VARS1: variants seen among roughly 807,000 people sequenced by gnomAD.
VARS1 encodes the protein valine--tRNA ligase.
VARS1 carries 92 observed loss-of-function variants against 161.0 expected under a neutral mutation model. That is an observed-to-expected ratio of 0.57 (90% CI 0.48 to 0.68). The LOEUF is 0.68. VARS1 is among the 30% of genes least tolerant of loss of function. VARS1 has a pLI of 0.00. For missense variants in VARS1, 1,338 were observed against 1,695.9 expected, an observed-to-expected ratio of 0.79 and a Z score of 3.71; for synonymous variants, 595 against 682.5, an observed-to-expected ratio of 0.87 and a Z score of 2.00.
At chr6:31,786,121 G>A (rs779465026) in intron 8 of VARS1, among the ~76,000 whole-genome samples, 4 of 152,266 alleles carry the variant, frequency 2.6e-5, no homozygotes, top group African/African-American at 4.8e-5. Context: ...TTAGCTGGGC[G>A]TGGTGGCATG....
chr6:31,779,193 G>T lies in VARS1; in HGVS notation c.3500C>A (p.Ala1167Asp). The T allele has an allele frequency of 6.2e-7, 1 of 1,606,836 alleles. No individual in the cohort carries two copies. The highest frequency in any genetic ancestry group is 8.5e-7 in the Non-Finnish European group (1 of 1,178,148). The change falls in exon 29 of 30, where the codon GCC (alanine) becomes GAC (aspartate). Residue 1167 changes from alanine (A) to aspartate (D), a missense_variant. Physicochemically the swap from Ala to Asp is moderately radical, Grantham distance 126. Coordinates refer to ENST00000375663, the MANE Select transcript of VARS1 (RefSeq NM_006295.3). The surrounding 1 kb of genome is among the most constrained non-coding windows in gnomAD (Gnocchi z 9.1). ...ACCCTGGGGGGCGGGAGCCCCCAGG[G>T]CCAGAACAGCCACCACACCTGCGCT... The part of the protein sequence containing the change: ...LASAGVVAVL[A>D]LGAPAPQGCA...
Position 31,782,251 on chromosome 6 carries a change from G to A in VARS1, c.2150+34C>T, listed in dbSNP as rs755959814. The A allele has an allele frequency of 1.2e-5, 19 of 1,610,016 alleles. No homozygotes were observed. The highest frequency in any genetic ancestry group is 1.6e-5 in the Non-Finnish European group (19 of 1,177,806). On this transcript the variant is annotated intron_variant, in intron 17 of 29. Coordinates refer to ENST00000375663, the MANE Select transcript of VARS1 (RefSeq NM_006295.3). This position sits in a 1 kb window ranked among gnomAD's most constrained non-coding sequence, Gnocchi z 8.3. ...CCCGAGTGAGCCCTGCTCAGCCCTC[G>A]GCAAGCCCCTCCCACACTGAGGACC... is the stretch of plus-strand genomic sequence containing the variant.
Position 31,781,208 on chromosome 6 carries a change from C to A in VARS1, c.2545-85G>T. 6.8e-7 allele frequency: 1 copy of A among 1,478,158 alleles called. No homozygotes were observed. Among genetic ancestry groups the A allele is most frequent in the Non-Finnish European group, 9.3e-7 (1 of 1,073,940 alleles). The allele number at this position is 1,478,158 out of a possible 1,614,324, so 91.6% of individuals were successfully genotyped here. On this transcript the variant is annotated intron_variant, in intron 21 of 29. Transcript: ENST00000375663. The surrounding 1 kb of genome is among the most constrained non-coding windows in gnomAD (Gnocchi z 6.8). Reference sequence around the variant, plus strand: ...CCCGACCAGGACTGTGTCTGGTCTACCCCACTGTGAACCTCAGGTCCCACT... The same window carrying A: ...CCCGACCAGGACTGTGTCTGGTCTAACCCACTGTGAACCTCAGGTCCCACT...
At position 31,791,466 on chromosome 6, in the gene VARS1, T is replaced by C; in HGVS notation, c.1100+144A>G. ...AGGAGAGGAAGCTAAATGATCAGAT[T>C]GGAATGACAGAGAGAAGTGTAGCAC... is the stretch of plus-strand genomic sequence containing the variant. On this transcript the variant is annotated intron_variant, in intron 8 of 29. Transcript: ENST00000375663. The surrounding 1 kb of genome is among the most constrained non-coding windows in gnomAD (Gnocchi z 5.0). 8.3e-7 allele frequency: 1 copy of C among 1,201,014 alleles called. No homozygotes were observed. The highest frequency in any genetic ancestry group is 1.6e-5 in the South Asian group (1 of 60,648). 74.4% of individuals were successfully genotyped at this position (1,201,014 alleles called of 1,614,324 possible).
rs755082499 is a variant in VARS1, at chr6:31,785,608, C to T, written c.1226G>A (p.Arg409His). The T allele has an allele frequency of 1.7e-5, 28 of 1,612,468 alleles. No individual in the cohort carries two copies. The highest frequency in any genetic ancestry group is 9.9e-5 in the South Asian group (9 of 91,026). ...EQGLSRHQLGREAFLQEVWKW... is the reference protein window; with the variant it reads ...EQGLSRHQLGHEAFLQEVWKW... The stretch of plus-strand genomic sequence containing the variant: ...CCAGACTTCCTGTAGAAAGGCCTCG[C>T]GGCCCAGCTGGTGCCGGCTCAGTCC... The change falls in exon 9 of 30, where the codon CGC (arginine) becomes CAC (histidine). Residue 409 changes from arginine to histidine, a missense_variant. By Grantham distance (29) the Arg-to-His change is conservative. Transcript: ENST00000375663. The surrounding 1 kb of genome is among the most constrained non-coding windows in gnomAD (Gnocchi z 6.1).
At position 31,784,711 on chromosome 6, in the gene VARS1, G is replaced by A; in HGVS notation, c.1351C>T (p.Leu451Phe). 6.2e-7 allele frequency: 1 copy of A among 1,613,034 alleles called. No homozygotes were observed. The highest frequency in any genetic ancestry group is 8.5e-7 in the Non-Finnish European group (1 of 1,180,026). ...AAGGCCTCTGTCACAGCTGCTGAGA[G>A]TTTCTGGGGTGGAGGAGGGAGAAGT... ...DRACFTMDPK[L>F]SAAVTEAFVR... The change falls in exon 11 of 30, where the codon CTC (leucine) becomes TTC (phenylalanine). Residue 451 changes from leucine (L) to phenylalanine (F), a missense_variant. Leu to Phe is a conservative substitution (Grantham distance 22, BLOSUM62 0). Transcript: ENST00000375663. The surrounding 1 kb of genome is among the most constrained non-coding windows in gnomAD (Gnocchi z 6.1).
chr6:31,786,115 C>T (rs1313749764), intron 8 of VARS1, among the ~76,000 whole-genome samples: 1 of 152,192 alleles, frequency 6.6e-6, no homozygotes, highest in African/African-American at 2.4e-5. Context: ...ACAAAATTAG[C>T]TGGGCGTGGT....
rs150822918 is a variant in VARS1, at chr6:31,785,571, C to T, written c.1263G>A (p.Glu421=). The T allele has an allele frequency of 2.0e-4, 318 of 1,605,842 alleles. 3 individuals carry two copies. The highest frequency in any genetic ancestry group is 1.2e-3 in the Middle Eastern group (7 of 6,054). The change falls in exon 9 of 30, where the codon GAG becomes GAA. Residue 421 remains glutamate, a splice_region_variant and synonymous_variant. Transcript: ENST00000375663. This position sits in a 1 kb window ranked among gnomAD's most constrained non-coding sequence, Gnocchi z 6.1. The part of the protein sequence containing the change: ...AFLQEVWKWK[E]EKGDRIYHQL... The stretch of plus-strand genomic sequence containing the variant: ...CCACAGGGATGCTGCATACTCACTC[C>T]TCCTTCCACTTCCAGACTTCCTGTA...
At chr6:31,786,965 C>T (rs1813548685) in intron 8 of VARS1, among the ~76,000 whole-genome samples, 1 of 151,772 alleles carries the variant, frequency 6.6e-6, no homozygotes, top group South Asian at 2.1e-4. Context: ...GTGGCTCAAG[C>T]CTATAACCCC....
Position 31,785,311 on chromosome 6 carries a change from A to G in VARS1, c.1282T>C (p.Tyr428His), listed in dbSNP as rs1813424811. The change falls in exon 10 of 30, where the codon TAC becomes CAC. Residue 428 changes from tyrosine to histidine, a missense_variant. Physicochemically the swap from Tyr to His is moderately conservative, Grantham distance 83 (BLOSUM62 2). Transcript: ENST00000375663. This position sits in a 1 kb window ranked among gnomAD's most constrained non-coding sequence, Gnocchi z 6.1. ...CTGCCAAGCTTCTTCAACTGGTGGTAAATCCGGTCACCTTTCCTGGAAGCA... is the reference window on the plus strand; with the variant it reads ...CTGCCAAGCTTCTTCAACTGGTGGTGAATCCGGTCACCTTTCCTGGAAGCA... ...KWKEEKGDRI[Y>H]HQLKKLGSSL... The G allele has an allele frequency of 6.2e-7, 1 of 1,612,938 alleles. No homozygotes were observed. The highest frequency in any genetic ancestry group is 1.7e-5 in the Admixed American group (1 of 60,008).
In VARS1 at chr6:31,792,203, C is replaced by G. The variant is rs1418584213; in HGVS notation, c.871+14G>C. ...GGGGCTGCTGAGGGGTGAGCCCCTT[C>G]CCACTCCTAGTACCTTTCTTTTCCC... is the stretch of plus-strand genomic sequence containing the variant. On this transcript the variant is annotated intron_variant, in intron 6 of 29. Coordinates refer to ENST00000375663, the MANE Select transcript of VARS1 (RefSeq NM_006295.3). 6.2e-7 allele frequency: 1 copy of G among 1,612,986 alleles called. No homozygotes were observed. The highest frequency in any genetic ancestry group is 2.2e-5 in the East Asian group (1 of 44,862).
intron 6 of VARS1, 30 bp from the exon 7 acceptor site, chr6:31,792,001 C>T (rs779590012): frequency 2.3e-5 from 36 of 1,541,182 alleles, no homozygotes; most frequent in Non-Finnish European, 3.0e-5. Context: ...GGCTCAGTGC[C>T]GTGGCTGGGA....
chr6:31,778,791 G>T lies in VARS1; in HGVS notation c.3726+176C>A. ...CAAATTTCTGGGATTACAGGTGTGA[G>T]CCACTGAGCCAGGCTGTTTTGTTTT... On this transcript the variant is annotated intron_variant, in intron 29 of 29. Coordinates refer to ENST00000375663, the MANE Select transcript of VARS1 (RefSeq NM_006295.3). The surrounding 1 kb of genome is among the most constrained non-coding windows in gnomAD (Gnocchi z 5.1). 1.2e-6 allele frequency: 1 copy of T among 863,248 alleles called. No homozygotes were observed. The highest frequency in any genetic ancestry group is 1.7e-6 in the Non-Finnish European group (1 of 574,564). 53.5% of individuals were successfully genotyped at this position (863,248 alleles called of 1,614,324 possible).
rs1467365890 is a variant in VARS1, at chr6:31,785,212, C to T, written c.1347+34G>A. ...GGGTCCCACCCTGGGGAGACTCCTACTCCTGCCCCAGCTTTGACACTCCTC... is the reference window on the plus strand; with the variant it reads ...GGGTCCCACCCTGGGGAGACTCCTATTCCTGCCCCAGCTTTGACACTCCTC... On this transcript the variant is annotated intron_variant, in intron 10 of 29. Coordinates refer to ENST00000375663, the MANE Select transcript of VARS1 (RefSeq NM_006295.3). The surrounding 1 kb of genome is among the most constrained non-coding windows in gnomAD (Gnocchi z 6.1). The T allele has an allele frequency of 1.2e-6, 2 of 1,612,392 alleles. No homozygotes were observed. The highest frequency in any genetic ancestry group is 2.2e-5 in the East Asian group (1 of 44,876).
Position 31,783,093 on chromosome 6 carries a change from C to T in VARS1, c.1762+3G>A, listed in dbSNP as rs757396596. On this transcript the variant is annotated splice_donor_region_variant and intron_variant, in intron 14 of 29. Transcript: ENST00000375663. ...CTCCCCACAGGACCAGCCCCTTGCC[C>T]ACCTGTGCCAAAGTCCATGTCCACA... 4 of 1,612,188 alleles carry T rather than the reference C, an allele frequency of 2.5e-6. No homozygotes were observed. Among genetic ancestry groups the T allele is most frequent in the Non-Finnish European group, 2.5e-6 (3 of 1,179,738 alleles).
rs1463893949 is a variant in VARS1, at chr6:31,785,370, G to C, written c.1266-43C>G. ...GAGGTCAGCACTCGTGCCTGGGCTA[G>C]AGGGAGACATCAGGTGGCTGACTGG... On this transcript the variant is annotated intron_variant, in intron 9 of 29. Transcript: ENST00000375663. The surrounding 1 kb of genome is among the most constrained non-coding windows in gnomAD (Gnocchi z 6.1). 8.7e-6 allele frequency: 14 copies of C among 1,610,592 alleles called. No homozygotes were observed. The highest frequency in any genetic ancestry group is 1.2e-5 in the Non-Finnish European group (14 of 1,178,240).
In VARS1 at chr6:31,782,792, G is replaced by A. The variant is rs761390538; in HGVS notation, c.1816C>T (p.Arg606Trp). ...HDQNDYEVGQ[R>W]HGLEAISIMD... Reference sequence around the variant, plus strand: ...ATGCTGATGGCCTCCAGCCCGTGCCGCTGCCCAACTTCATAGTCATTTTGG... The same window carrying A: ...ATGCTGATGGCCTCCAGCCCGTGCCACTGCCCAACTTCATAGTCATTTTGG... The change falls in exon 15 of 30, where the codon CGG becomes TGG. Residue 606 changes from arginine to tryptophan, a missense_variant. By Grantham distance (101) the Arg-to-Trp change is moderately radical (BLOSUM62 -3). This residue lies in a region of VARS1 where 902 missense variants were observed against 1,090.3 expected (regional missense o/e 0.83). Transcript: ENST00000375663. This position sits in a 1 kb window ranked among gnomAD's most constrained non-coding sequence, Gnocchi z 8.3. The A allele has an allele frequency of 3.7e-6, 6 of 1,612,824 alleles. No homozygotes were observed. Among genetic ancestry groups the A allele is most frequent in the East Asian group, 2.2e-5 (1 of 44,884 alleles).
In VARS1 at chr6:31,777,931, C is replaced by T. The variant is rs992787885; in HGVS notation, c.3727-269G>A. 31 of 571,574 alleles carry T rather than the reference C, an allele frequency of 5.4e-5. No individual in the cohort carries two copies. The highest frequency in any genetic ancestry group is 4.7e-4 in the African/African-American group (25 of 53,338). The allele number at this position is 571,574 out of a possible 1,614,324, so 35.4% of individuals were successfully genotyped here. A position where few individuals can be genotyped will look rare whatever the true frequency, so the allele number is the denominator to read the frequency against. ...GCCTACGTGTTCCCCATTCAGTGTC[C>T]CCACCTAAGCAGGAGAGCACAGTCT... On this transcript the variant is annotated intron_variant, in intron 29 of 29. Coordinates refer to ENST00000375663, the MANE Select transcript of VARS1 (RefSeq NM_006295.3). The surrounding 1 kb of genome is among the most constrained non-coding windows in gnomAD (Gnocchi z 5.8).
rs1813224750 is a variant in VARS1 at position 31,782,489 on chromosome 6, G to A, written c.1991+41C>T. 1 of 1,612,520 alleles carries A rather than the reference G, an allele frequency of 6.2e-7. No individual in the cohort carries two copies. Among genetic ancestry groups the A allele is most frequent in the Non-Finnish European group, 8.5e-7 (1 of 1,179,852 alleles). ...GAAGGCCAGGCGGTAAAACCCTGAG[G>A]AGCCCTCCATCTTCCTCCCGTCCCA... On this transcript the variant is annotated intron_variant, in intron 16 of 29. Transcript: ENST00000375663. This position sits in a 1 kb window ranked among gnomAD's most constrained non-coding sequence, Gnocchi z 8.3.
Sources: allele counts gnomAD v4.1 joint callset (sites outside exome capture counted in the v4.1 genomes callset), GRCh38; gene constraint gnomAD v4.1.1; regional missense constraint gnomAD v4.1.1; non-coding constraint Gnocchi (gnomAD v3.1); transcripts MANE v1.5; gene names NCBI Gene and HGNC (gene_info 2026-07-23, HGNC 2026-07-21).